ADGRG1: variants seen among roughly 807,000 people sequenced by gnomAD.
ADGRG1 encodes the protein adhesion G protein-coupled receptor G1.
Under a neutral mutation model 73.5 loss-of-function variants are expected in ADGRG1, and 53 were observed. The ratio of observed to expected loss-of-function variants is 0.72; its 90% CI spans 0.58 to 0.91. The LOEUF (loss-of-function observed/expected upper bound fraction) is 0.91. Ranked by LOEUF, ADGRG1 falls within the 40% of genes least tolerant of loss-of-function variation. The probability of loss-of-function intolerance (pLI) is 0.00; values close to 1 mark genes in which losing one functional copy is unlikely to be tolerated. For missense variants in ADGRG1, 795 were observed against 871.8 expected (o/e 0.91, Z 1.11); for synonymous variants, 394 against 374.4 (o/e 1.05, Z -0.60).
intron 2 of ADGRG1, chr16:57,621,665 G>A (rs188257424): frequency 6.4e-6 from 1 of 155,270 alleles, no homozygotes; most frequent in East Asian, 1.9e-4. Flanking sequence ...AACCTCTCTG[G>A]GCCTCATTTG....
rs748800599 is a variant in ADGRG1, at chr16:57,651,333, A to G, written c.198A>G (p.Thr66=). 1.2e-6 allele frequency: 2 copies of G among 1,614,058 alleles called. No individual in the cohort carries two copies. Among genetic ancestry groups the G allele is most frequent in the Non-Finnish European group, 1.7e-6 (2 of 1,179,972 alleles). The change falls in exon 3 of 14, where the codon ACA becomes ACG. Residue 66 remains threonine (T), a synonymous_variant. Coordinates refer to ENST00000562631, the MANE Select transcript of ADGRG1 (RefSeq NM_201525.4). ...ISIENSEEAL[T]VHAPFPAAHP... is the part of the protein sequence containing the mutation. Reference sequence around the variant, plus strand: ...TCGAGAACTCCGAAGAGGCCCTCACAGTCCATGCCCCTTTCCCTGCAGCCC... The same window carrying G: ...TCGAGAACTCCGAAGAGGCCCTCACGGTCCATGCCCCTTTCCCTGCAGCCC...
upstream of ADGRG1, among the ~76,000 whole-genome samples, chr16:57,620,487 CA>C (rs1212168022): frequency 6.6e-6 from 1 of 152,198 alleles, no homozygotes; most frequent in East Asian, 1.9e-4. Context: ...AGGCAGGCGG[CA>C]GGACCTGAAG....
At chr16:57,662,015 G>A in intron 13 of ADGRG1, 50 bp downstream of exon 13, 1 of 1,440,626 alleles carries the variant, frequency 6.9e-7, no homozygotes, top group South Asian at 1.1e-5. Flanking sequence ...TACACATGGA[G>A]CAAGGGCAGG....
chr16:57,644,619 C>T (rs979308201), intron 1 of ADGRG1, among the ~76,000 whole-genome samples: 9 of 148,568 alleles, frequency 6.1e-5, no homozygotes, highest in African/African-American at 1.2e-4. Context: ...CACACCCATG[C>T]GCACACACAT....
Position 57,652,439 on chromosome 16 carries a change from C to T in ADGRG1, c.488-764C>T, listed in dbSNP as rs1197288998. 5.3e-5 allele frequency among the ~76,000 whole-genome samples: 8 copies of T among 152,244 alleles called. No individual in the cohort carries two copies. The East Asian group carries it at 9.6e-4, about 18-fold the overall frequency. On this transcript the variant is annotated intron_variant, in intron 3 of 13. Coordinates refer to ENST00000562631, the MANE Select transcript of ADGRG1 (RefSeq NM_201525.4). The stretch of plus-strand genomic sequence containing the variant: ...GATTATGTCCAGTGCAACAGGCAGG[C>T]CCAGGCCCGTCAGTGGTGGGGGGTT...
chr16:57,639,840 CT>C, intron 1 of ADGRG1: 1 of 954,306 alleles, frequency 1.0e-6, no homozygotes, highest in Non-Finnish European at 1.2e-6. Context: ...GTGCATTCCC[CT>C]TCTCCCCAGC....
At chr16:57,650,018 T>C (rs1247432485) in intron 1 of ADGRG1, 1 of 380,638 alleles carries the variant, frequency 2.6e-6, no homozygotes, top group Non-Finnish European at 3.6e-6. Flanking sequence ...GCTCAAGCGA[T>C]CCTCCTTTCT....
chr16:57,655,707 T>C (rs2045543721), intron 6 of ADGRG1, 169 bp from the exon 7 acceptor site: 1 of 985,254 alleles, frequency 1.0e-6, no homozygotes, highest in Admixed American at 6.1e-5. Context: ...ATGTTCTTCT[T>C]ACTATAGTGT....
At chr16:57,623,950 A>T (rs1309128789), upstream of ADGRG1, 1 of 410,608 alleles carries the variant, frequency 2.4e-6, no homozygotes, top group Admixed American at 6.4e-5. Flanking sequence ...TCTGAGCCTC[A>T]GTTTTCATCT....
upstream of ADGRG1, among the ~76,000 whole-genome samples, chr16:57,625,940 C>T (rs1470367741): frequency 6.6e-6 from 1 of 152,226 alleles, no homozygotes. Flanking sequence ...AAGCCCCCTT[C>T]TTCTCCTTCA....
chr16:57,656,218 C>G lies in ADGRG1; in HGVS notation c.1018-8C>G, dbSNP rs768508761. On this transcript the variant is annotated splice_region_variant and splice_polypyrimidine_tract_variant and intron_variant, in intron 7 of 13. Coordinates refer to ENST00000562631, the MANE Select transcript of ADGRG1 (RefSeq NM_201525.4). Reference sequence around the variant, plus strand: ...CACAGAAACCACTCTCCTTTCTTGTCCCTACAGAAGAATGTGACTCTGCAA... The same window carrying G: ...CACAGAAACCACTCTCCTTTCTTGTGCCTACAGAAGAATGTGACTCTGCAA... 1.2e-6 allele frequency: 2 copies of G among 1,613,460 alleles called. No individual in the cohort carries two copies. The highest frequency in any genetic ancestry group is 1.7e-5 in the Admixed American group (1 of 59,956).
intron 11 of ADGRG1, chr16:57,660,385 G>T: frequency 1.0e-6 from 1 of 984,990 alleles, no homozygotes; most frequent in Non-Finnish European, 1.2e-6. Context: ...AATCTCCACC[G>T]AACGGGCGAG....
At chr16:57,632,130 C>T (rs1479882146) in intron 1 of ADGRG1, 1 of 985,364 alleles carries the variant, frequency 1.0e-6, no homozygotes, top group Non-Finnish European at 1.2e-6. Flanking sequence ...GCAGGGGAGG[C>T]TTACCCAGTG....
rs1238153087 is a variant in ADGRG1, at chr16:57,654,189, G to A, written c.768+56G>A. ...GCGGGTTGGGCCGGGGCCAGATGGAGGTGGGGGCTGTGAGCACTCCCTGAA... is the reference window on the plus strand; with the variant it reads ...GCGGGTTGGGCCGGGGCCAGATGGAAGTGGGGGCTGTGAGCACTCCCTGAA... On this transcript the variant is annotated intron_variant, in intron 5 of 13. Coordinates refer to ENST00000562631, the MANE Select transcript of ADGRG1 (RefSeq NM_201525.4). 5.1e-6 allele frequency: 8 copies of A among 1,561,616 alleles called. No homozygotes were observed. The African/African-American group carries it at 1.1e-4, about 21-fold the overall frequency.
intron 3 of ADGRG1, 90 bp from the exon 4 acceptor site, chr16:57,653,111 CAG>C (rs2044534078): frequency 6.3e-7 from 1 of 1,594,376 alleles, no homozygotes; most frequent in Non-Finnish European, 8.5e-7. Flanking sequence ...TCGAGGCATT[CAG>C]AGTCATGTCA....
rs945845300 is a variant in ADGRG1 at position 57,664,738 on chromosome 16, G to A, written c.*1156G>A. ...GGTAGGGACACAGATGACCGACCTG[G>A]TCACTCCTCCTGCCAACATTCAGTC... On this transcript the variant is annotated 3_prime_UTR_variant, in exon 14 of 14. Coordinates refer to ENST00000562631, the MANE Select transcript of ADGRG1 (RefSeq NM_201525.4). 2 of 153,156 alleles carry A rather than the reference G, an allele frequency of 1.3e-5. No homozygotes were observed. The highest frequency in any genetic ancestry group is 1.5e-5 in the Non-Finnish European group (1 of 68,044). The allele number at this position is 153,156 out of a possible 1,614,324, so 9.5% of individuals were successfully genotyped here. A position where few individuals can be genotyped will look rare whatever the true frequency, so the allele number is the denominator to read the frequency against.
chr16:57,658,212 T>A (rs2046226919), intron 10 of ADGRG1, among the ~76,000 whole-genome samples: 1 of 152,238 alleles, frequency 6.6e-6, no homozygotes, highest in Admixed American at 6.5e-5. Context: ...ACAGCGGTAA[T>A]GATCATACTT....
chr16:57,657,090 A>T (rs2045917334), intron 9 of ADGRG1, among the ~76,000 whole-genome samples: 1 of 152,200 alleles, frequency 6.6e-6, no homozygotes, highest in Non-Finnish European at 1.5e-5. Context: ...TCCCATGTTA[A>T]ATGTTATAGA....
At chr16:57,621,914 G>C in intron 2 of ADGRG1, 1 of 970,804 alleles carries the variant, frequency 1.0e-6, no homozygotes, top group Non-Finnish European at 1.2e-6. Context: ...TTTCTACAGA[G>C]GAGTCAGAGG....
Sources: allele counts gnomAD v4.1 joint callset (sites outside exome capture counted in the v4.1 genomes callset), GRCh38; gene constraint gnomAD v4.1.1; transcripts MANE v1.5; gene names NCBI Gene and HGNC (gene_info 2026-07-23, HGNC 2026-07-21).